The following ADAM19 variants were observed in gnomAD, a reference collection of about 807,000 sequenced individuals.
The protein encoded by ADAM19 is disintegrin and metalloproteinase domain-containing protein 19.
Under a neutral mutation model 114.7 loss-of-function variants are expected in ADAM19, and 65 were observed. That is an observed-to-expected ratio of 0.57 (90% confidence interval 0.46 to 0.70). The LOEUF is 0.70. ADAM19 is among the 30% of genes least tolerant of loss of function. The probability of loss-of-function intolerance (pLI) is 0.00; values close to 1 mark genes in which losing one functional copy is unlikely to be tolerated. For missense variants in ADAM19, 1,063 were observed against 1,204.7 expected, an observed-to-expected ratio of 0.88 and a Z score of 1.74; for synonymous variants, 466 against 460.5, an observed-to-expected ratio of 1.01 and a Z score of -0.15.
chr5:157,518,897 G>A lies in ADAM19; in HGVS notation c.601-9C>T. The A allele has an allele frequency of 6.2e-7, 1 of 1,612,822 alleles. No individual in the cohort carries two copies. The highest frequency in any genetic ancestry group is 1.1e-5 in the South Asian group (1 of 91,038). ...AAATCTTCCCTTTTCATCTAAGAAAGAGAAACAGATCAGCGCTGTAGAAAT... is the reference window on the plus strand; with the variant it reads ...AAATCTTCCCTTTTCATCTAAGAAAAAGAAACAGATCAGCGCTGTAGAAAT... On this transcript the variant is annotated splice_polypyrimidine_tract_variant and intron_variant, in intron 6 of 22. Transcript: ENST00000257527.
rs11465242 is a variant in ADAM19, at chr5:157,572,179, G to A, written c.95-1199C>T. On this transcript the variant is annotated intron_variant, in intron 1 of 22. Transcript: ENST00000257527. ...CGGCTCACTGCAAGCTCCGCCTTCC[G>A]GGTTCATGCCATTCTCCTGCCTCAG... is the stretch of plus-strand genomic sequence containing the variant. The A allele has an allele frequency of 4.8e-3, 1,867 of 389,472 alleles. 35 individuals are homozygous for A. The highest frequency in any genetic ancestry group is 0.037 in the African/African-American group (1,760 of 47,860). The allele number at this position is 389,472 out of a possible 1,614,324, so 24.1% of individuals were successfully genotyped here.
intron 9 of ADAM19, among the ~76,000 whole-genome samples, chr5:157,508,163 A>T (rs1212892481): frequency 2.0e-5 from 3 of 152,240 alleles, no homozygotes; most frequent in Non-Finnish European, 4.4e-5. Context: ...GTTCAGGCCA[A>T]AAGTTCTAAT....
intron 5 of ADAM19, among the ~76,000 whole-genome samples, chr5:157,522,014 A>C (rs947314624): frequency 7.9e-5 from 12 of 152,220 alleles, no homozygotes; most frequent in African/African-American, 2.9e-4. Flanking sequence ...GGCGCAACTG[A>C]TCTGGCATCA....
intron 3 of ADAM19, among the ~76,000 whole-genome samples, chr5:157,563,165 G>A (rs13356677): frequency 0.2 from 30,375 of 151,998 alleles, 4,193 homozygotes; most frequent in African/African-American, 0.38. Context: ...AGCTGGCCAG[G>A]TCTATTCCAG....
intron 3 of ADAM19, among the ~76,000 whole-genome samples, chr5:157,544,032 C>T (rs137953242): frequency 3.3e-5 from 5 of 152,324 alleles, no homozygotes; most frequent in African/African-American, 9.6e-5. Context: ...AACAAACCAA[C>T]GTGCCAAAGG....
At chr5:157,491,946 T>C in intron 16 of ADAM19, 34 bp from the exon 17 acceptor site, 1 of 1,606,650 alleles carries the variant, frequency 6.2e-7, no homozygotes, top group Non-Finnish European at 8.5e-7. Context: ...ATCAGTGCAA[T>C]GGGAGGGATG....
chr5:157,571,014 C>G (rs1357698984), intron 1 of ADAM19, 34 bp from the exon 2 acceptor site: 1 of 1,596,482 alleles, frequency 6.3e-7, no homozygotes, highest in Non-Finnish European at 8.6e-7. Context: ...ATTGGAATCC[C>G]AGACCTCTAT....
At chr5:157,494,559 G>T in intron 15 of ADAM19, 128 bp downstream of exon 15, 1 of 692,674 alleles carries the variant, frequency 1.4e-6, no homozygotes, top group Non-Finnish European at 2.5e-6. Context: ...ATAGATGACT[G>T]ACTTCAACTG....
At chr5:157,550,432 C>T (rs1490924414) in intron 3 of ADAM19, among the ~76,000 whole-genome samples, 1 of 152,190 alleles carries the variant, frequency 6.6e-6, no homozygotes. Context: ...TAACTAAATA[C>T]ATCCACAACT....
intron 1 of ADAM19, 72 bp from the exon 2 acceptor site, chr5:157,571,052 C>T: frequency 7.6e-7 from 1 of 1,317,562 alleles, no homozygotes; most frequent in Non-Finnish European, 1.1e-6. Flanking sequence ...CATGCACTTT[C>T]TGTGAGCTGC....
intron 7 of ADAM19, 116 bp downstream of exon 7, chr5:157,518,707 T>C: frequency 1.1e-6 from 1 of 941,364 alleles, no homozygotes; most frequent in Non-Finnish European, 1.7e-6. Context: ...AAGGTCAAAA[T>C]CATAGATGAA....
intron 3 of ADAM19, among the ~76,000 whole-genome samples, chr5:157,560,690 G>A (rs1158442031): frequency 6.6e-6 from 1 of 152,224 alleles, no homozygotes; most frequent in East Asian, 1.9e-4. Context: ...GTATGTGATT[G>A]TGTCTGTGAG....
intron 5 of ADAM19, among the ~76,000 whole-genome samples, 184 bp downstream of exon 5, chr5:157,530,623 A>T (rs768162638): frequency 6.6e-6 from 1 of 152,156 alleles, no homozygotes; most frequent in Non-Finnish European, 1.5e-5. Flanking sequence ...TTAAATCCCA[A>T]TGGATTTCTG....
intron 5 of ADAM19, 132 bp from the exon 6 acceptor site, chr5:157,520,163 G>A (rs966685653): frequency 1.4e-5 from 11 of 807,378 alleles, no homozygotes; most frequent in Non-Finnish European, 2.1e-5. Context: ...CTAATTATGG[G>A]GCCATGTACC....
At position 157,548,287 on chromosome 5, in the gene ADAM19, A is replaced by G. The variant is rs554128653; in HGVS notation, c.252-10296T>C. On this transcript the variant is annotated intron_variant, in intron 3 of 22. Coordinates refer to ENST00000257527, the MANE Select transcript of ADAM19 (RefSeq NM_033274.5). ...CACATTGTTCTGTAACTGTTTAATTATCTGTCCCCTCTACTACGTTCTAAG... is the reference window on the plus strand; with the variant it reads ...CACATTGTTCTGTAACTGTTTAATTGTCTGTCCCCTCTACTACGTTCTAAG... 5.3e-5 allele frequency among the ~76,000 whole-genome samples: 8 copies of G among 152,180 alleles called. No individual in the cohort carries two copies. The East Asian group carries it at 1.4e-3, about 26-fold the overall frequency.
intron 5 of ADAM19, among the ~76,000 whole-genome samples, chr5:157,522,514 T>C (rs1167905173): frequency 6.6e-6 from 1 of 152,156 alleles, no homozygotes; most frequent in Non-Finnish European, 1.5e-5. Flanking sequence ...GGCTGGGCGC[T>C]GTGGCTCACA....
rs772437058 is a variant in ADAM19 at position 157,572,302 on chromosome 5, A to G, written c.95-1322T>C. 6.6e-6 allele frequency: 3 copies of G among 456,036 alleles called. No individual in the cohort carries two copies. The East Asian group carries it at 2.1e-4, about 32-fold the overall frequency. 28.2% of individuals were successfully genotyped at this position (456,036 alleles called of 1,614,324 possible). A position where few individuals can be genotyped will look rare whatever the true frequency, so the allele number is the denominator to read the frequency against. On this transcript the variant is annotated intron_variant, in intron 1 of 22. Coordinates refer to ENST00000257527, the MANE Select transcript of ADAM19 (RefSeq NM_033274.5). ...TGGGAGGAGTCCTGTTTTGCAAGAA[A>G]GAGAATTTAAACTATAGGAGAGATT...
rs1755744805 is a variant in ADAM19 at position 157,506,433 on chromosome 5, C to T, written c.990+623G>A. Among the ~76,000 whole-genome samples, 3 of 152,204 alleles carry T rather than the reference C, an allele frequency of 2.0e-5. No homozygotes were observed. In the South Asian group the frequency reaches 6.2e-4, roughly 32 times the overall value. On this transcript the variant is annotated intron_variant, in intron 10 of 22. Coordinates refer to ENST00000257527, the MANE Select transcript of ADAM19 (RefSeq NM_033274.5). ...ACTATGCGTTTTTTACAGCTGAGAA[C>T]ACTCATTAACTCACCCAAAATCACA...
chr5:157,513,320 C>T (rs1755980961), intron 8 of ADAM19, 114 bp downstream of exon 8: 1 of 1,033,260 alleles, frequency 9.7e-7, no homozygotes, highest in Admixed American at 1.8e-5. Flanking sequence ...TATGGCACTG[C>T]TCATTCCCTT....
Sources: gnomAD v4.1 joint callset for allele counts (sites outside exome capture counted in the v4.1 genomes callset) on GRCh38, gnomAD v4.1.1 for gene constraint, MANE v1.5 for transcripts, NCBI Gene and HGNC (gene_info 2026-07-23, HGNC 2026-07-21) for gene names.